Variants in SPTSSA observed in about 807,000 individuals in gnomAD.
The protein encoded by SPTSSA is small subunit of serine palmitoyltransferase A.
In SPTSSA, 8 loss-of-function variants were observed where a neutral mutation model predicts 9.1. That is an observed-to-expected ratio of 0.88 (90% confidence interval 0.51 to 1.58). The LOEUF is 1.58. Among genes scored for constraint, SPTSSA ranks in the 40% most tolerant of loss-of-function variants. The pLI is 0.00. For synonymous variants in SPTSSA, 42 were observed against 37.7 expected, an observed-to-expected ratio of 1.11 and a Z score of -0.41; for missense variants, 100 against 93.8, an observed-to-expected ratio of 1.07 and a Z score of -0.27.
At chr14:34,446,586 T>C (rs547392612) in intron 1 of SPTSSA, among the ~76,000 whole-genome samples, 1 of 152,270 alleles carries the variant, frequency 6.6e-6, no homozygotes, top group South Asian at 2.1e-4. Flanking sequence ...CAGTCAAAAA[T>C]AAAACACTGG....
intron 1 of SPTSSA, among the ~76,000 whole-genome samples, chr14:34,456,332 A>G (rs1878469572): frequency 6.6e-6 from 1 of 152,214 alleles, no homozygotes; most frequent in Non-Finnish European, 1.5e-5. Flanking sequence ...CAAAAAAATA[A>G]TAAATCAATA....
chr14:34,461,991 G>A (rs1173088973), intron 1 of SPTSSA, 105 bp downstream of exon 1: 3 of 807,104 alleles, frequency 3.7e-6, no homozygotes, highest in Non-Finnish European at 4.7e-6. Flanking sequence ...AGGACCGGCG[G>A]GGCCGCCGCT....
intron 1 of SPTSSA, among the ~76,000 whole-genome samples, chr14:34,445,088 T>TA (rs111971284): frequency 0.062 from 9,255 of 150,002 alleles, 444 homozygotes; most frequent in African/African-American, 0.13. Context: ...AGGCTCCATC[T>TA]AAAAAAAAAA....
At chr14:34,461,141 A>G (rs747628366) in intron 1 of SPTSSA, among the ~76,000 whole-genome samples, 16 of 152,224 alleles carry the variant, frequency 1.1e-4, no homozygotes, top group Admixed American at 4.6e-4. Flanking sequence ...TGGATAAACT[A>G]AACATGTTTT....
chr14:34,449,799 G>A lies in SPTSSA; in HGVS notation c.112+12297C>T, dbSNP rs373466250. ...ATTATAGGCGTGAGCCACCACACCC[G>A]ACCTAGGCATTGGTTTTATTGTCAC... On this transcript the variant is annotated intron_variant, in intron 1 of 1. Coordinates refer to ENST00000298130, the MANE Select transcript of SPTSSA (RefSeq NM_138288.4). 1.2e-4 allele frequency among the ~76,000 whole-genome samples: 19 copies of A among 152,298 alleles called. No homozygotes were observed. The East Asian group carries it at 2.7e-3, about 22-fold the overall frequency.
chr14:34,436,750 T>C (rs941824449), intron 1 of SPTSSA, among the ~76,000 whole-genome samples: 2 of 152,170 alleles, frequency 1.3e-5, no homozygotes, highest in African/African-American at 4.8e-5. Flanking sequence ...TTCAGGGCCA[T>C]ACAGGAAGCT....
At chr14:34,446,601 C>G (rs548219293) in intron 1 of SPTSSA, among the ~76,000 whole-genome samples, 1 of 152,176 alleles carries the variant, frequency 6.6e-6, no homozygotes, top group Non-Finnish European at 1.5e-5. Flanking sequence ...CACTGGTTCA[C>G]TCCTCTTAAC....
At chr14:34,448,243 C>G (rs552179244) in intron 1 of SPTSSA, among the ~76,000 whole-genome samples, 1 of 150,262 alleles carries the variant, frequency 6.7e-6, no homozygotes, top group Non-Finnish European at 1.5e-5. Context: ...GCAACAAGAG[C>G]AAAAACTCCA....
chr14:34,459,130 C>T (rs968662048), intron 1 of SPTSSA, among the ~76,000 whole-genome samples: 1 of 151,938 alleles, frequency 6.6e-6, no homozygotes, highest in Non-Finnish European at 1.5e-5. Context: ...TGCATCTATC[C>T]TCTTTAAGAA....
rs1483528242 is a variant in SPTSSA at position 34,433,699 on chromosome 14, C to CA, written c.*1501dup. ...TCAATTTTGGCCGGGCGCGGTGGCT[C>CA]ACGCCTGTAAACCCAGCACTTTGGG... On this transcript the variant is annotated 3_prime_UTR_variant, in exon 2 of 2. Transcript: ENST00000298130. 1.3e-5 allele frequency: 2 copies of CA among 152,106 alleles called. No homozygotes were observed. The highest frequency in any genetic ancestry group is 2.9e-5 in the Non-Finnish European group (2 of 68,054). The allele number at this position is 152,106 out of a possible 1,614,324, so 9.4% of individuals were successfully genotyped here.
chr14:34,461,981 A>G (rs998857294), intron 1 of SPTSSA, 115 bp downstream of exon 1: 28 of 559,488 alleles, frequency 5.0e-5, no homozygotes, highest in Middle Eastern at 9.6e-4. Flanking sequence ...TTCCGCGCAC[A>G]GGACCGGCGG....
chr14:34,449,643 C>T (rs769297654), intron 1 of SPTSSA, among the ~76,000 whole-genome samples: 2 of 151,874 alleles, frequency 1.3e-5, no homozygotes, highest in Non-Finnish European at 2.9e-5. Context: ...GCTAGAATTA[C>T]AGGCACGTGC....
At chr14:34,457,970 G>GAAAAAAAAAAAAAAAAA (rs1566427256) in intron 1 of SPTSSA, among the ~76,000 whole-genome samples, 1 of 83,388 alleles carries the variant, frequency 1.2e-5, no homozygotes, top group Admixed American at 1.2e-4. Flanking sequence ...AGACTGTCTC[G>GAAAAAAAAAAAAAAAAA]GAAAAAAAAA....
At chr14:34,436,899 T>G (rs1471374275) in intron 1 of SPTSSA, among the ~76,000 whole-genome samples, 1 of 151,816 alleles carries the variant, frequency 6.6e-6, no homozygotes, top group Non-Finnish European at 1.5e-5. Context: ...AATCCAGTTA[T>G]TCCTTAAACT....
chr14:34,453,727 G>T (rs758467454), intron 1 of SPTSSA, among the ~76,000 whole-genome samples: 2 of 152,082 alleles, frequency 1.3e-5, no homozygotes, highest in East Asian at 3.8e-4. Context: ...TGACCAAAAC[G>T]CTTGTATTAG....
At position 34,433,300 on chromosome 14, in the gene SPTSSA, C is replaced by G. The variant is rs1446725257; in HGVS notation, c.*1901G>C. The G allele has an allele frequency of 1.3e-5, 2 of 152,082 alleles. No individual in the cohort carries two copies. The highest frequency in any genetic ancestry group is 2.9e-5 in the Non-Finnish European group (2 of 68,016). 9.4% of individuals were successfully genotyped at this position (152,082 alleles called of 1,614,324 possible). A position where few individuals can be genotyped will look rare whatever the true frequency, so the allele number is the denominator to read the frequency against. ...CTGAGTAGAGGGCCAGGATAGGTCA[C>G]CTGGATACTCATTGAAACTAATGAT... On this transcript the variant is annotated 3_prime_UTR_variant, in exon 2 of 2. Coordinates refer to ENST00000298130, the MANE Select transcript of SPTSSA (RefSeq NM_138288.4).
At chr14:34,450,018 G>A (rs1883492970) in intron 1 of SPTSSA, among the ~76,000 whole-genome samples, 1 of 152,178 alleles carries the variant, frequency 6.6e-6, no homozygotes, top group Non-Finnish European at 1.5e-5. Context: ...ACCCAGGTTT[G>A]AGTCATAACT....
intron 1 of SPTSSA, among the ~76,000 whole-genome samples, chr14:34,450,059 T>A (rs1883493168): frequency 6.6e-6 from 1 of 152,206 alleles, no homozygotes; most frequent in East Asian, 1.9e-4. Context: ...AAAAGCTCTC[T>A]AACACTAGTC....
rs1212196554 is a variant in SPTSSA at position 34,434,723 on chromosome 14, T to G, written c.*478A>C. The G allele has an allele frequency of 6.6e-6, 1 of 152,616 alleles. No individual in the cohort carries two copies. The highest frequency in any genetic ancestry group is 1.5e-5 in the Non-Finnish European group (1 of 68,076). The allele number at this position is 152,616 out of a possible 1,614,324, so 9.5% of individuals were successfully genotyped here. A position where few individuals can be genotyped will look rare whatever the true frequency, so the allele number is the denominator to read the frequency against. On this transcript the variant is annotated 3_prime_UTR_variant, in exon 2 of 2. Transcript: ENST00000298130. The stretch of plus-strand genomic sequence containing the variant: ...GTAGTTCTCAATAAAATATCTTCCC[T>G]CCCCATACCCCTACCCGAAATCTTA...
Sources: gnomAD v4.1 joint callset for allele counts (sites outside exome capture counted in the v4.1 genomes callset) on GRCh38, gnomAD v4.1.1 for gene constraint, MANE v1.5 for transcripts, NCBI Gene and HGNC (gene_info 2026-07-23, HGNC 2026-07-21) for gene names.